The following TGIF1 variants were observed in gnomAD, a reference collection of about 807,000 sequenced individuals.
The protein encoded by TGIF1 is homeobox protein TGIF1.
In TGIF1, 4 loss-of-function variants were observed where a neutral mutation model predicts 19.3. That is an observed-to-expected ratio of 0.21 (90% CI 0.10 to 0.47). The LOEUF is 0.47. TGIF1 is among the 20% of genes least tolerant of loss of function. The probability of loss-of-function intolerance (pLI) is 0.98; values close to 1 mark genes in which losing one functional copy is unlikely to be tolerated. For missense variants in TGIF1, 275 were observed against 341.4 expected, an observed-to-expected ratio of 0.81 and a Z score of 1.53; for synonymous variants, 122 against 129.3, an observed-to-expected ratio of 0.94 and a Z score of 0.38.
Position 3,451,839 on chromosome 18 carries a change from C to G in TGIF1, c.16+1334C>G. ...GAGGACTCGGGACAGGGAATTGGCC[C>G]TGGGAGAAAACGCGCGGGGGGCGTC... On this transcript the variant is annotated intron_variant, in intron 1 of 2. Coordinates refer to ENST00000343820, the MANE Select transcript of TGIF1 (RefSeq NM_003244.4). The surrounding 1 kb of genome is among the most constrained non-coding windows in gnomAD (Gnocchi z 5.4). 3 of 1,391,626 alleles carry G rather than the reference C, an allele frequency of 2.2e-6. No homozygotes were observed. The highest frequency in any genetic ancestry group is 2.8e-6 in the Non-Finnish European group (3 of 1,072,972). 86.2% of individuals were successfully genotyped at this position (1,391,626 alleles called of 1,614,324 possible).
intron 1 of TGIF1, among the ~76,000 whole-genome samples, chr18:3,454,517 TTTAA>T (rs2083102864): frequency 6.6e-6 from 1 of 152,224 alleles, no homozygotes; most frequent in African/African-American, 2.4e-5. Context: ...GTTCGATTTC[TTTAA>T]TTATTAAAGC....
At chr18:3,426,293 C>CA (rs2082468144) in intron 2 of TGIF1, among the ~76,000 whole-genome samples, 1 of 151,726 alleles carries the variant, frequency 6.6e-6, no homozygotes, top group Non-Finnish European at 1.5e-5. Flanking sequence ...CTCAGCCTCC[C>CA]AAGTTGCTGG....
intron 2 of TGIF1, among the ~76,000 whole-genome samples, chr18:3,420,053 C>T (rs147720866): frequency 7.2e-5 from 11 of 151,910 alleles, no homozygotes; most frequent in African/African-American, 2.2e-4. Flanking sequence ...GATTTAAACA[C>T]GGGTTTGTAA....
intron 1 of TGIF1, among the ~76,000 whole-genome samples, chr18:3,414,711 C>T (rs1813603545): frequency 6.6e-6 from 1 of 152,116 alleles, no homozygotes; most frequent in Non-Finnish European, 1.5e-5. Flanking sequence ...TCTTTGAAAA[C>T]AGAAAATAAG....
intron 2 of TGIF1, among the ~76,000 whole-genome samples, chr18:3,444,378 C>T (rs1342123340): frequency 1.3e-5 from 2 of 148,844 alleles, no homozygotes; most frequent in East Asian, 4.0e-4. Flanking sequence ...AAACATGTCA[C>T]AGGGTTTGTT....
At chr18:3,425,050 A>G (rs2082449509) in intron 2 of TGIF1, among the ~76,000 whole-genome samples, 1 of 152,246 alleles carries the variant, frequency 6.6e-6, no homozygotes. Context: ...GGTCAGAAGT[A>G]TTGGTGACAA....
intron 2 of TGIF1, among the ~76,000 whole-genome samples, chr18:3,436,625 C>A (rs2082617413): frequency 6.6e-6 from 1 of 151,830 alleles, no homozygotes; most frequent in Non-Finnish European, 1.5e-5. Context: ...TCGAGACCAG[C>A]CTGGCCAACG....
At chr18:3,449,644 C>T, upstream of TGIF1, 1 of 985,236 alleles carries the variant, frequency 1.0e-6, no homozygotes, top group Non-Finnish European at 1.2e-6. Context: ...GGCAGCCGCG[C>T]ATTCTGGAAG....
At chr18:3,448,579 A>G, upstream of TGIF1, 1 of 985,520 alleles carries the variant, frequency 1.0e-6, no homozygotes, top group Non-Finnish European at 1.2e-6. Context: ...AGCAAACCAC[A>G]GAAGAAAAAA....
At chr18:3,445,709 G>C (rs529507160), upstream of TGIF1, among the ~76,000 whole-genome samples, 188 of 85,310 alleles carry the variant, frequency 2.2e-3, 1 homozygote, top group African/African-American at 7.7e-3. Context: ...GGGTGACAGA[G>C]CAAGACTCTG....
chr18:3,426,155 T>C (rs541058336), intron 2 of TGIF1, among the ~76,000 whole-genome samples: 17 of 149,512 alleles, frequency 1.1e-4, no homozygotes, highest in African/African-American at 4.0e-4. Context: ...GGCCCAGTTC[T>C]GGCTAGGGTC....
Position 3,458,080 on chromosome 18 carries a change from T to G in TGIF1, c.*140T>G, listed in dbSNP as rs980089529. On this transcript the variant is annotated 3_prime_UTR_variant, in exon 3 of 3. Coordinates refer to ENST00000343820, the MANE Select transcript of TGIF1 (RefSeq NM_003244.4). ...AACAGCTTCCTGTTACTGAGATGTC[T>G]TCAATGGAATACAGTCATTCCAAGA... 2.8e-6 allele frequency: 2 copies of G among 723,234 alleles called. No individual in the cohort carries two copies. Among genetic ancestry groups the G allele is most frequent in the African/African-American group, 3.6e-5 (2 of 56,294 alleles). 44.8% of individuals were successfully genotyped at this position (723,234 alleles called of 1,614,324 possible).
In TGIF1 at chr18:3,451,970, T is replaced by C. The variant is rs1243710018; in HGVS notation, c.16+1465T>C. 1.9e-6 allele frequency: 3 copies of C among 1,572,726 alleles called. No individual in the cohort carries two copies. Among genetic ancestry groups the C allele is most frequent in the Non-Finnish European group, 2.6e-6 (3 of 1,157,452 alleles). On this transcript the variant is annotated intron_variant, in intron 1 of 2. Coordinates refer to ENST00000343820, the MANE Select transcript of TGIF1 (RefSeq NM_003244.4). The surrounding 1 kb of genome is among the most constrained non-coding windows in gnomAD (Gnocchi z 5.4). ...TCCCGGGAATAAGTGAGGGGCTCTG[T>C]GTTTCGAGGATGGTTCTAGCGCAGA...
chr18:3,421,638 C>T (rs1444425583), intron 2 of TGIF1, among the ~76,000 whole-genome samples: 1 of 151,730 alleles, frequency 6.6e-6, no homozygotes, highest in Non-Finnish European at 1.5e-5. Context: ...TCTCGAACTC[C>T]CGACCTCAGG....
chr18:3,447,780 G>C (rs2082769680), upstream of TGIF1: 1 of 1,614,180 alleles, frequency 6.2e-7, no homozygotes, highest in Non-Finnish European at 8.5e-7. Context: ...GCCCGATCAA[G>C]CCTGACTTCT....
chr18:3,428,477 C>G (rs1030534670), intron 2 of TGIF1, among the ~76,000 whole-genome samples: 2 of 151,938 alleles, frequency 1.3e-5, no homozygotes, highest in Admixed American at 6.6e-5. Flanking sequence ...GCGGCTCATG[C>G]CTGTAATCCC....
upstream of TGIF1, among the ~76,000 whole-genome samples, chr18:3,446,100 T>C (rs189321641): frequency 6.6e-6 from 1 of 152,312 alleles, no homozygotes; most frequent in East Asian, 1.9e-4. Flanking sequence ...TAAATAAGTG[T>C]TTCATAAACT....
At chr18:3,452,016 G>GGCTCCCCGCATTGTTCGGGCTCC (rs768817369) in intron 1 of TGIF1, 1 of 1,608,606 alleles carries the variant, frequency 6.2e-7, no homozygotes, top group Admixed American at 1.7e-5. Flanking sequence ...TGCCGGGGTG[G>GGCTCCCCGCATTGTTCGGGCTCC]GCTCCCCGCA....
chr18:3,458,276 T>C lies in TGIF1; in HGVS notation c.*336T>C, dbSNP rs886053785. The C allele has an allele frequency of 7.3e-6, 2 of 274,592 alleles. No homozygotes were observed. The highest frequency in any genetic ancestry group is 1.3e-3 in the Middle Eastern group (1 of 750). 17.0% of individuals were successfully genotyped at this position (274,592 alleles called of 1,614,324 possible). A position where few individuals can be genotyped will look rare whatever the true frequency, so the allele number is the denominator to read the frequency against. The stretch of plus-strand genomic sequence containing the variant: ...TGCAATACTTAGAGAACCTATAGCA[T>C]CTTCTCATTCCCATGTGGAACAGGA... On this transcript the variant is annotated 3_prime_UTR_variant, in exon 3 of 3. Coordinates refer to ENST00000343820, the MANE Select transcript of TGIF1 (RefSeq NM_003244.4).
Sources: gnomAD v4.1 joint callset for allele counts (sites outside exome capture counted in the v4.1 genomes callset) on GRCh38, gnomAD v4.1.1 for gene constraint, Gnocchi (gnomAD v3.1) non-coding constraint, MANE v1.5 for transcripts, NCBI Gene and HGNC (gene_info 2026-07-23, HGNC 2026-07-21) for gene names.